JAKMIP2: variants seen among roughly 807,000 people sequenced by gnomAD.
JAKMIP2 encodes janus kinase and microtubule interacting protein 2.
In JAKMIP2, 25 loss-of-function variants were observed where a neutral mutation model predicts 115.0. That is an observed-to-expected ratio of 0.22 (90% confidence interval 0.16 to 0.30). The LOEUF is 0.30. Ranked by LOEUF, JAKMIP2 falls within the 10% of genes least tolerant of loss-of-function variation. JAKMIP2 has a pLI of 1.00. For missense variants in JAKMIP2, 642 were observed against 957.6 expected, an observed-to-expected ratio of 0.67 and a Z score of 4.35; for synonymous variants, 334 against 343.6, an observed-to-expected ratio of 0.97 and a Z score of 0.31.
intron 10 of JAKMIP2, among the ~76,000 whole-genome samples, chr5:147,637,437 A>ACTTTTTTTTTTT (rs1757672055): frequency 1.3e-5 from 1 of 79,340 alleles, no homozygotes; most frequent in Admixed American, 1.6e-4. Flanking sequence ...AATTCTTTTG[A>ACTTTTTTTTTTT]TTTTTTTTTT....
intron 19 of JAKMIP2, among the ~76,000 whole-genome samples, chr5:147,614,487 C>A (rs142885370): frequency 6.6e-6 from 1 of 152,322 alleles, no homozygotes; most frequent in East Asian, 1.9e-4. Flanking sequence ...TTTCTACCTA[C>A]TTCTTTTTAT....
chr5:147,776,488 T>G (rs887721329), intron 1 of JAKMIP2, among the ~76,000 whole-genome samples: 1 of 152,332 alleles, frequency 6.6e-6, no homozygotes, highest in African/African-American at 2.4e-5. Flanking sequence ...GAACAGTAAG[T>G]CAATTAAACC....
At chr5:147,662,044 CTTTTT>C (rs56892721) in intron 2 of JAKMIP2, 1 of 132,580 alleles carries the variant, frequency 7.5e-6, no homozygotes, top group Admixed American at 8.0e-5. Context: ...CTTTTCTTTT[CTTTTT>C]TTTTTTTTGA....
chr5:147,742,135 A>G (rs1409540610), intron 1 of JAKMIP2, among the ~76,000 whole-genome samples: 2 of 126,674 alleles, frequency 1.6e-5, no homozygotes, highest in Non-Finnish European at 3.2e-5. Context: ...AGCCCTGTGG[A>G]TCATTATATA....
intron 1 of JAKMIP2, among the ~76,000 whole-genome samples, chr5:147,712,286 G>C (rs1173638367): frequency 6.6e-6 from 1 of 152,156 alleles, no homozygotes; most frequent in Non-Finnish European, 1.5e-5. Context: ...GAGTTCGTCA[G>C]CCCAGGGAAA....
chr5:147,644,804 A>C, intron 6 of JAKMIP2, 46 bp downstream of exon 6: 1 of 1,520,160 alleles, frequency 6.6e-7, no homozygotes, highest in Non-Finnish European at 9.0e-7. Flanking sequence ...TTATTAAGGT[A>C]ATATAATCAA....
chr5:147,674,123 T>TC (rs1248141247), intron 1 of JAKMIP2, among the ~76,000 whole-genome samples: 1 of 151,894 alleles, frequency 6.6e-6, no homozygotes, highest in African/African-American at 2.4e-5. Context: ...GTTACATTAG[T>TC]CCCCCCAAAC....
intron 7 of JAKMIP2, among the ~76,000 whole-genome samples, chr5:147,643,459 C>G (rs1757976581): frequency 6.6e-6 from 1 of 152,112 alleles, no homozygotes; most frequent in Admixed American, 6.6e-5. Context: ...AACCCAAAGG[C>G]ACCTAGAGGT....
At chr5:147,679,094 C>T (rs1156932503) in intron 1 of JAKMIP2, among the ~76,000 whole-genome samples, 1 of 152,010 alleles carries the variant, frequency 6.6e-6, no homozygotes, top group Non-Finnish European at 1.5e-5. Context: ...AATTCTCACG[C>T]CTCAGCCTCC....
chr5:147,726,434 G>A (rs547330167), intron 1 of JAKMIP2, among the ~76,000 whole-genome samples: 3 of 152,320 alleles, frequency 2.0e-5, no homozygotes, highest in South Asian at 2.1e-4. Context: ...AAAAGGGTGG[G>A]AATTTCTTAC....
intron 1 of JAKMIP2, among the ~76,000 whole-genome samples, chr5:147,759,948 G>C (rs151205374): frequency 6.6e-6 from 1 of 152,216 alleles, no homozygotes; most frequent in Non-Finnish European, 1.5e-5. Context: ...GGTGGCAATA[G>C]AGATGGAAAA....
chr5:147,710,259 A>G (rs1423477385), intron 1 of JAKMIP2, among the ~76,000 whole-genome samples: 1 of 152,194 alleles, frequency 6.6e-6, no homozygotes, highest in East Asian at 1.9e-4. Flanking sequence ...TTTGTTTCAC[A>G]TATTAAAATT....
At chr5:147,641,561 T>C in intron 8 of JAKMIP2, 147 bp downstream of exon 8, 1 of 568,532 alleles carries the variant, frequency 1.8e-6, no homozygotes, top group Non-Finnish European at 3.1e-6. Flanking sequence ...CAACAGAAAA[T>C]ATTTTCTTCT....
chr5:147,720,850 G>A (rs1243735286), intron 1 of JAKMIP2, among the ~76,000 whole-genome samples: 11 of 151,994 alleles, frequency 7.2e-5, no homozygotes, highest in East Asian at 1.9e-4. Context: ...CTCTCAGCTC[G>A]TCAAAGTCAT....
At chr5:147,676,285 A>G (rs530302948) in intron 1 of JAKMIP2, among the ~76,000 whole-genome samples, 5 of 152,292 alleles carry the variant, frequency 3.3e-5, no homozygotes, top group East Asian at 3.9e-4. Flanking sequence ...GCAGTGAGCC[A>G]AGATCACGCC....
intron 17 of JAKMIP2, among the ~76,000 whole-genome samples, chr5:147,622,414 T>A (rs1756897058): frequency 1.3e-5 from 2 of 152,210 alleles, no homozygotes; most frequent in African/African-American, 2.4e-5. Flanking sequence ...CAGCTCTATG[T>A]TTCCCCTTCT....
intron 1 of JAKMIP2, among the ~76,000 whole-genome samples, chr5:147,706,911 G>A (rs200893428): frequency 7.9e-5 from 12 of 152,158 alleles, no homozygotes; most frequent in Admixed American, 3.3e-4. Flanking sequence ...GAAGCTTAAT[G>A]ATTTGCCCAG....
intron 1 of JAKMIP2, among the ~76,000 whole-genome samples, chr5:147,757,791 C>G (rs759293689): frequency 6.6e-6 from 1 of 152,052 alleles, no homozygotes; most frequent in Non-Finnish European, 1.5e-5. Flanking sequence ...GCAGTTGCAC[C>G]TGAGGCTCCG....
At chr5:147,745,637 G>A (rs1395305658) in intron 1 of JAKMIP2, among the ~76,000 whole-genome samples, 1 of 152,090 alleles carries the variant, frequency 6.6e-6, no homozygotes, top group African/African-American at 2.4e-5. Context: ...CTGCCACTGA[G>A]CCTGCAAAGA....
Sources: allele counts gnomAD v4.1 joint callset (sites outside exome capture counted in the v4.1 genomes callset), GRCh38; gene constraint gnomAD v4.1.1; transcripts MANE v1.5; gene names NCBI Gene and HGNC (gene_info 2026-07-23, HGNC 2026-07-21).